PHRF1: variants seen among roughly 807,000 people sequenced by gnomAD.
PHRF1 encodes the protein PHD and RING finger domain-containing protein 1.
A neutral mutation model predicts 128.9 loss-of-function variants in PHRF1; 53 were observed. The ratio of observed to expected loss-of-function variants is 0.41; its 90% CI spans 0.33 to 0.52. PHRF1 has a LOEUF of 0.52. Among genes scored for constraint, PHRF1 ranks in the 20% least tolerant of loss-of-function variants. The pLI is 0.21. For missense variants in PHRF1, 2,503 were observed against 2,284.5 expected, an observed-to-expected ratio of 1.10 and a Z score of -1.95; for synonymous variants, 1,178 against 980.6, an observed-to-expected ratio of 1.20 and a Z score of -3.76.
intron 1 of PHRF1, among the ~76,000 whole-genome samples, chr11:580,522 G>C (rs1451114302): frequency 2.0e-5 from 3 of 152,190 alleles, no homozygotes; most frequent in African/African-American, 7.2e-5. Context: ...GGATGGGGTT[G>C]GGGTGCGGTC....
chr11:592,993 G>C (rs1009937830), intron 6 of PHRF1, among the ~76,000 whole-genome samples: 1 of 152,222 alleles, frequency 6.6e-6, no homozygotes, highest in African/African-American at 2.4e-5. Context: ...CGGCCTTTGT[G>C]GGGGAGGGGT....
Position 607,945 on chromosome 11 carries a change from A to T in PHRF1, c.2489A>T (p.Tyr830Phe). Reference sequence around the variant, plus strand: ...ACGAAGCAGCTGCGGAGCGAGGTCTACGACCCATCCGACCCCACCGGCTCC... The same window carrying T: ...ACGAAGCAGCTGCGGAGCGAGGTCTTCGACCCATCCGACCCCACCGGCTCC... Reference protein sequence around the residue: ...KKTKQLRSEVYDPSDPTGSDS... With the variant: ...KKTKQLRSEVFDPSDPTGSDS... Residue 830 changes from tyrosine (Y) to phenylalanine (F), a missense_variant, in exon 14 of 18, where the codon TAC (tyrosine) becomes TTC (phenylalanine). Tyr to Phe is a conservative substitution (Grantham distance 22). Coordinates refer to ENST00000264555, the MANE Select transcript of PHRF1 (RefSeq NM_001286581.2). 1 of 1,612,220 alleles carries T rather than the reference A, an allele frequency of 6.2e-7. No individual in the cohort carries two copies. Among genetic ancestry groups the T allele is most frequent in the Non-Finnish European group, 8.5e-7 (1 of 1,179,814 alleles).
chr11:601,521 G>A (rs970108150), intron 9 of PHRF1, 53 bp from the exon 10 acceptor site: 1 of 1,610,246 alleles, frequency 6.2e-7, no homozygotes, highest in African/African-American at 1.3e-5. Flanking sequence ...CACAGGAATG[G>A]GGCAGGGAGG....
chr11:598,691 G>A (rs548330783), intron 9 of PHRF1, among the ~76,000 whole-genome samples, 189 bp downstream of exon 9: 24 of 152,226 alleles, frequency 1.6e-4, no homozygotes, highest in Non-Finnish European at 2.9e-4. Context: ...GCCGATCTGC[G>A]ACCACGCTGC....
rs1377294061 is a variant in PHRF1, at chr11:597,194, T to C, written c.718+174T>C. 6.6e-6 allele frequency among the ~76,000 whole-genome samples: 1 copy of C among 151,850 alleles called. No individual in the cohort carries two copies. The highest frequency in any genetic ancestry group is 1.5e-5 in the Non-Finnish European group (1 of 67,934). ...CTAGGGCTGTCTCGGGCTCGTCTTCTCGGGGATGTGTGTGGGGTCCATTGG... is the reference window on the plus strand; with the variant it reads ...CTAGGGCTGTCTCGGGCTCGTCTTCCCGGGGATGTGTGTGGGGTCCATTGG... On this transcript the variant is annotated intron_variant, in intron 7 of 17. Coordinates refer to ENST00000264555, the MANE Select transcript of PHRF1 (RefSeq NM_001286581.2). This position sits in a 1 kb window ranked among gnomAD's most constrained non-coding sequence, Gnocchi z 6.5.
intron 17 of PHRF1, 101 bp downstream of exon 17, chr11:611,183 C>T (rs1856371063): frequency 7.8e-6 from 12 of 1,529,596 alleles, no homozygotes; most frequent in East Asian, 2.4e-5. Context: ...AGTGCAGGCC[C>T]GAGGTCAGCC....
intron 6 of PHRF1, among the ~76,000 whole-genome samples, chr11:596,519 G>T (rs1855287702): frequency 6.6e-6 from 1 of 152,164 alleles, no homozygotes; most frequent in Admixed American, 6.5e-5. Flanking sequence ...GTCGTGTGTC[G>T]CAGCCAGCTC....
chr11:586,565 C>G (rs1589865029), intron 3 of PHRF1, among the ~76,000 whole-genome samples: 1 of 152,206 alleles, frequency 6.6e-6, no homozygotes, highest in African/African-American at 2.4e-5. Flanking sequence ...CCCATGTGAA[C>G]TTGTGTTCTG....
chr11:599,253 CTTTT>C (rs754658303), intron 9 of PHRF1, among the ~76,000 whole-genome samples: 2 of 104,976 alleles, frequency 1.9e-5, no homozygotes, highest in African/African-American at 3.9e-5. Context: ...TTTTTCTTTT[CTTTT>C]TTTTTTTTTT....
chr11:601,620 A>G lies in PHRF1; in HGVS notation c.1071A>G (p.Pro357=). 6.2e-7 allele frequency: 1 copy of G among 1,613,802 alleles called. No individual in the cohort carries two copies. Among genetic ancestry groups the G allele is most frequent in the Non-Finnish European group, 8.5e-7 (1 of 1,179,882 alleles). The part of the protein sequence containing the change: ...VPGRKKTPSG[P]SAKSKSSATR... ...GAAGAAAGAAAACCCCGTCCGGACCATCCGCAAAAAGTAAGAGCTCAGCGA... is the reference window on the plus strand; with the variant it reads ...GAAGAAAGAAAACCCCGTCCGGACCGTCCGCAAAAAGTAAGAGCTCAGCGA... Residue 357 remains proline, a synonymous_variant, in exon 10 of 18, where the codon CCA becomes CCG. Coordinates refer to ENST00000264555, the MANE Select transcript of PHRF1 (RefSeq NM_001286581.2).
chr11:593,674 C>A (rs887821342), intron 6 of PHRF1, among the ~76,000 whole-genome samples: 42 of 152,326 alleles, frequency 2.8e-4, no homozygotes, highest in African/African-American at 1.0e-3. Context: ...GCGGCCACCA[C>A]GTTTGTCTCA....
At chr11:584,291 C>T (rs1454222796) in intron 3 of PHRF1, among the ~76,000 whole-genome samples, 1 of 152,186 alleles carries the variant, frequency 6.6e-6, no homozygotes, top group Non-Finnish European at 1.5e-5. Context: ...CCGTCAGGGC[C>T]GCCAGGTGAC....
Position 607,064 on chromosome 11 carries a change from A to T in PHRF1, c.1610-2A>T, listed in dbSNP as rs1188971665. ...ATTGCCATTGACTTTTTTGTTTTTT[A>T]GCTCCAGTTTCTTTTCAGCGAAACT... On this transcript the variant is annotated splice_acceptor_variant, in intron 13 of 17. Coordinates refer to ENST00000264555, the MANE Select transcript of PHRF1 (RefSeq NM_001286581.2). LOFTEE classifies it high-confidence loss of function. The T allele has an allele frequency of 6.5e-7, 1 of 1,548,746 alleles. No homozygotes were observed. The highest frequency in any genetic ancestry group is 2.2e-5 in the Admixed American group (1 of 46,326).
chr11:599,025 A>G (rs1173517950), intron 9 of PHRF1, among the ~76,000 whole-genome samples: 1 of 152,062 alleles, frequency 6.6e-6, no homozygotes, highest in Non-Finnish European at 1.5e-5. Flanking sequence ...TCTCCCTTAA[A>G]ATTAACGGGC....
In PHRF1 at chr11:607,394, G is replaced by A. The variant is rs138408584; in HGVS notation, c.1938G>A (p.Ala646=). Reference sequence around the variant, plus strand: ...ACACCTTGCCCCTTGCCTCTGCCGCGTCTAAGATCTCAAGCAGAGATTCTA... The same window carrying A: ...ACACCTTGCCCCTTGCCTCTGCCGCATCTAAGATCTCAAGCAGAGATTCTA... The part of the protein sequence containing the change: ...NKHTLPLASA[A]SKISSRDSKP... Residue 646 remains alanine (A), a synonymous_variant, in exon 14 of 18, where the codon GCG becomes GCA. Transcript: ENST00000264555. 5.0e-5 allele frequency: 81 copies of A among 1,612,688 alleles called. No homozygotes were observed. The highest frequency in any genetic ancestry group is 3.3e-4 in the Middle Eastern group (2 of 6,084).
At chr11:586,106 C>T (rs528158756) in intron 3 of PHRF1, among the ~76,000 whole-genome samples, 1 of 152,294 alleles carries the variant, frequency 6.6e-6, no homozygotes, top group Admixed American at 6.5e-5. Context: ...GGTGATCCAC[C>T]TGCCTCAGCC....
In PHRF1 at chr11:607,619, G is replaced by C; in HGVS notation, c.2163G>C (p.Gly721=). The C allele has an allele frequency of 1.2e-6, 2 of 1,612,192 alleles. No homozygotes were observed. Among genetic ancestry groups the C allele is most frequent in the Non-Finnish European group, 1.7e-6 (2 of 1,179,752 alleles). ...GACTGACTGGCAGGGAGGGCACCGG[G>C]CAGCCAGGGCGAGGCACACGGGCAG... is the stretch of plus-strand genomic sequence containing the variant. ...ISRLTGREGT[G]QPGRGTRAES... The change falls in exon 14 of 18, where the codon GGG becomes GGC. Residue 721 remains glycine (G), a synonymous_variant. Coordinates refer to ENST00000264555, the MANE Select transcript of PHRF1 (RefSeq NM_001286581.2).
chr11:579,389 CAAAGT>C (rs930572262), intron 1 of PHRF1, among the ~76,000 whole-genome samples: 2 of 152,230 alleles, frequency 1.3e-5, no homozygotes, highest in African/African-American at 2.4e-5. Flanking sequence ...TTGTGCTGCA[CAAAGT>C]AGGAGCAGGG....
Position 607,591 on chromosome 11 carries a change from G to A in PHRF1, c.2135G>A (p.Ser712Asn). 1 of 1,612,416 alleles carries A rather than the reference G, an allele frequency of 6.2e-7. No individual in the cohort carries two copies. Among genetic ancestry groups the A allele is most frequent in the Non-Finnish European group, 8.5e-7 (1 of 1,179,838 alleles). Residue 712 changes from serine (S) to asparagine (N), a missense_variant, in exon 14 of 18, where the codon AGC becomes AAC. Coordinates refer to ENST00000264555, the MANE Select transcript of PHRF1 (RefSeq NM_001286581.2). ...ATTGAGATCCCCAGTGCCTGCATCA[G>A]CCGACTGACTGGCAGGGAGGGCACC... Reference protein sequence around the residue: ...QSIEIPSACISRLTGREGTGQ... With the variant: ...QSIEIPSACINRLTGREGTGQ...
Sources: gnomAD v4.1 joint callset for allele counts (sites outside exome capture counted in the v4.1 genomes callset) on GRCh38, gnomAD v4.1.1 for gene constraint, Gnocchi (gnomAD v3.1) non-coding constraint, MANE v1.5 for transcripts, NCBI Gene and HGNC (gene_info 2026-07-23, HGNC 2026-07-21) for gene names.